Variants in ASCC3 observed in about 807,000 individuals in gnomAD.
ASCC3 encodes the protein activating signal cointegrator 1 complex subunit 3, also known as ASC-1 complex subunit P200.
Under a neutral mutation model 256.3 loss-of-function variants are expected in ASCC3, and 158 were observed. The observed-to-expected ratio is 0.62, with a 90% CI of 0.54 to 0.70. The LOEUF is 0.70. Ranked by LOEUF, ASCC3 falls within the 30% of genes least tolerant of loss-of-function variation. The probability of loss-of-function intolerance (pLI) is 0.00; values close to 1 mark genes in which losing one functional copy is unlikely to be tolerated. For synonymous variants in ASCC3, 948 were observed against 883.4 expected (o/e 1.07, Z -1.30); for missense variants, 2,259 against 2,626.0 (o/e 0.86, Z 3.05).
At chr6:100,659,194 G>A (rs1776067766) in intron 16 of ASCC3, among the ~76,000 whole-genome samples, 1 of 151,372 alleles carries the variant, frequency 6.6e-6, no homozygotes, top group South Asian at 2.1e-4. Context: ...CGACTCTAAT[G>A]TTGATTAGTG....
At chr6:100,835,389 C>G (rs548983651) in intron 4 of ASCC3, among the ~76,000 whole-genome samples, 1 of 152,154 alleles carries the variant, frequency 6.6e-6, no homozygotes, top group South Asian at 2.1e-4. Context: ...ATGTTGTTGT[C>G]TAGTAGACTT....
chr6:100,808,066 C>T (rs1770275987), intron 4 of ASCC3, among the ~76,000 whole-genome samples: 1 of 151,846 alleles, frequency 6.6e-6, no homozygotes, highest in African/African-American at 2.4e-5. Flanking sequence ...TGCAAGGTTT[C>T]AAGAGAAAAT....
At chr6:100,688,909 A>T (rs1156798720) in intron 13 of ASCC3, among the ~76,000 whole-genome samples, 1 of 152,160 alleles carries the variant, frequency 6.6e-6, no homozygotes, top group Non-Finnish European at 1.5e-5. Context: ...ATTAACTAGG[A>T]TCCTCCCTCT....
intron 1 of ASCC3, among the ~76,000 whole-genome samples, chr6:100,871,072 G>C (rs544740118): frequency 6.6e-6 from 1 of 151,982 alleles, no homozygotes; most frequent in East Asian, 1.9e-4. Flanking sequence ...GAGAACCACT[G>C]TCTTAGAGAT....
chr6:100,557,565 A>G (rs1769666614), intron 36 of ASCC3, among the ~76,000 whole-genome samples: 1 of 151,990 alleles, frequency 6.6e-6, no homozygotes, highest in Non-Finnish European at 1.5e-5. Flanking sequence ...ATAGCCACTG[A>G]CTGACATTAG....
intron 37 of ASCC3, among the ~76,000 whole-genome samples, chr6:100,532,271 T>C (rs192431074): frequency 3.1e-3 from 461 of 150,762 alleles, no homozygotes; most frequent in Non-Finnish European, 4.5e-3. Context: ...GCTTCTAGTC[T>C]ATTTACTGTT....
chr6:100,584,727 T>G (rs191607946), intron 36 of ASCC3, among the ~76,000 whole-genome samples: 6 of 152,166 alleles, frequency 3.9e-5, no homozygotes, highest in East Asian at 1.9e-4. Flanking sequence ...GGTACCGGTT[T>G]TTCCTTTCCA....
chr6:100,634,040 A>G (rs1774700453), intron 25 of ASCC3, among the ~76,000 whole-genome samples: 1 of 152,178 alleles, frequency 6.6e-6, no homozygotes, highest in Non-Finnish European at 1.5e-5. Flanking sequence ...ATTTTAGTAC[A>G]CTTTTCTTAA....
intron 13 of ASCC3, among the ~76,000 whole-genome samples, chr6:100,688,305 T>A (rs1777680888): frequency 6.6e-6 from 1 of 152,006 alleles, no homozygotes; most frequent in African/African-American, 2.4e-5. Context: ...TTGATTCTTT[T>A]ATTAAAAATG....
intron 33 of ASCC3, 98 bp downstream of exon 33, chr6:100,605,470 C>A (rs1772835205): frequency 1.2e-6 from 1 of 846,372 alleles, no homozygotes; most frequent in African/African-American, 1.7e-5. Context: ...TTCTTCTAAG[C>A]TACCTGTTTT....
At position 100,518,156 on chromosome 6, in the gene ASCC3, A is replaced by C; in HGVS notation, c.5776-14T>G. ...GTCCAGCATTGCCTGAACAGGGAAA[A>C]TGCACATGTTACAAGAATTATATCA... On this transcript the variant is annotated splice_polypyrimidine_tract_variant and intron_variant, in intron 37 of 41. Transcript: ENST00000369162. The C allele has an allele frequency of 1.2e-6, 2 of 1,613,256 alleles. No homozygotes were observed. The highest frequency in any genetic ancestry group is 1.7e-6 in the Non-Finnish European group (2 of 1,179,498).
intron 36 of ASCC3, among the ~76,000 whole-genome samples, chr6:100,551,172 G>A (rs1486198415): frequency 6.6e-6 from 1 of 151,868 alleles, no homozygotes; most frequent in Non-Finnish European, 1.5e-5. Flanking sequence ...AGGTCTTACT[G>A]GGCTGGGTAG....
chr6:100,700,632 T>C (rs1778312089), intron 13 of ASCC3, among the ~76,000 whole-genome samples: 1 of 152,224 alleles, frequency 6.6e-6, no homozygotes, highest in Admixed American at 6.5e-5. Flanking sequence ...CTCAAGGCCA[T>C]GGGAGCCCAC....
chr6:100,638,266 ATAAAG>A (rs1353778937), intron 25 of ASCC3, among the ~76,000 whole-genome samples: 1 of 152,208 alleles, frequency 6.6e-6, no homozygotes, highest in East Asian at 1.9e-4. Flanking sequence ...TTTTTTAGTA[ATAAAG>A]TATTTTCAAA....
chr6:100,838,847 T>C (rs1772003309), intron 4 of ASCC3, among the ~76,000 whole-genome samples: 1 of 152,088 alleles, frequency 6.6e-6, no homozygotes. Context: ...TGTGTATGTA[T>C]GTATGTGCTC....
intron 1 of ASCC3, among the ~76,000 whole-genome samples, chr6:100,871,938 T>C (rs1018155568): frequency 6.6e-6 from 1 of 152,302 alleles, no homozygotes; most frequent in Middle Eastern, 3.4e-3. Flanking sequence ...ATGTCATCCA[T>C]AGAGAGGAAG....
At chr6:100,685,051 C>A (rs1285831539) in intron 13 of ASCC3, among the ~76,000 whole-genome samples, 1 of 152,060 alleles carries the variant, frequency 6.6e-6, no homozygotes, top group African/African-American at 2.4e-5. Flanking sequence ...TCGTGATCCG[C>A]CAGCCTCGGC....
At chr6:100,684,802 C>CT (rs34237443) in intron 13 of ASCC3, among the ~76,000 whole-genome samples, 4,445 of 94,790 alleles carry the variant, frequency 0.047, 244 homozygotes, top group Middle Eastern at 0.054. Flanking sequence ...GAATCAAACT[C>CT]TTTTTTTTTT....
chr6:100,798,895 G>T, intron 7 of ASCC3, 57 bp from the exon 8 acceptor site: 2 of 1,434,156 alleles, frequency 1.4e-6, no homozygotes, highest in Non-Finnish European at 9.7e-7. Flanking sequence ...ACTTGCTCTG[G>T]TAAATATTCT....
Sources: allele counts gnomAD v4.1 joint callset (sites outside exome capture counted in the v4.1 genomes callset), GRCh38; gene constraint gnomAD v4.1.1; transcripts MANE v1.5; gene names NCBI Gene and HGNC (gene_info 2026-07-23, HGNC 2026-07-21).